Variants in DLEU7 observed in about 807,000 individuals in gnomAD.
The protein encoded by DLEU7 is deleted in lymphocytic leukemia 7.
DLEU7 carries 17 observed loss-of-function variants against 16.0 expected under a neutral mutation model. That is an observed-to-expected ratio of 1.06 (90% CI 0.73 to 1.59). DLEU7 has a LOEUF of 1.59. Among genes scored for constraint, DLEU7 ranks in the 40% most tolerant of loss-of-function variants. The pLI, the probability that DLEU7 is intolerant of heterozygous loss-of-function variation, is 0.00. For missense variants in DLEU7, 308 were observed against 314.9 expected, an observed-to-expected ratio of 0.98 and a Z score of 0.17; for synonymous variants, 113 against 139.8, an observed-to-expected ratio of 0.81 and a Z score of 1.35.
Position 50,843,479 on chromosome 13 carries a change from CGGGCCTGAGCGACGGGCTGGAGCGGT to C in DLEU7, c.142_167del (p.Thr48AlafsTer39). ...GCCCGGGCCCCGGCCGGGCCCGCGG[CGGGCCTGAGCGACGGGCTGGAGCGGT>C]GGACACGTGGTCTGGGTCCCGCGGG... On this transcript the variant is annotated frameshift_variant, in exon 1 of 2. Coordinates refer to ENST00000504404, the MANE Select transcript of DLEU7 (RefSeq NM_001306135.2). LOFTEE classifies it high-confidence loss of function. The surrounding 1 kb of genome is among the most constrained non-coding windows in gnomAD (Gnocchi z 5.7). The C allele has an allele frequency of 3.0e-6, 4 of 1,342,282 alleles. No homozygotes were observed. The highest frequency in any genetic ancestry group is 3.8e-6 in the Non-Finnish European group (4 of 1,054,740). The allele number at this position is 1,342,282 out of a possible 1,614,324, so 83.1% of individuals were successfully genotyped here.
intron 1 of DLEU7, among the ~76,000 whole-genome samples, chr13:50,799,352 T>G (rs1161931430): frequency 1.3e-5 from 2 of 152,192 alleles, no homozygotes; most frequent in Non-Finnish European, 2.9e-5. Flanking sequence ...TATGTGGATT[T>G]CTTGTATTCT....
At chr13:50,820,314 A>G (rs1220884435), downstream of DLEU7, among the ~76,000 whole-genome samples, 1 of 152,134 alleles carries the variant, frequency 6.6e-6, no homozygotes. Flanking sequence ...AAAACAAAAC[A>G]GTAGCCAGAG....
chr13:50,834,057 T>A (rs960876670), intron 1 of DLEU7, among the ~76,000 whole-genome samples: 2 of 152,096 alleles, frequency 1.3e-5, no homozygotes, highest in Non-Finnish European at 2.9e-5. Context: ...GATTAAAGAC[T>A]TAAATGTAAG....
At chr13:50,752,461 G>A (rs990207835) in intron 1 of DLEU7, among the ~76,000 whole-genome samples, 2 of 152,134 alleles carry the variant, frequency 1.3e-5, no homozygotes, top group African/African-American at 4.8e-5. Context: ...GAATTGGTGG[G>A]TTCTTGGTCT....
chr13:50,760,618 T>C (rs973464039), intron 1 of DLEU7, among the ~76,000 whole-genome samples: 1 of 152,352 alleles, frequency 6.6e-6, no homozygotes, highest in Admixed American at 6.5e-5. Flanking sequence ...CTGCCGTGGC[T>C]TCCCAAGTGT....
intron 1 of DLEU7, among the ~76,000 whole-genome samples, chr13:50,840,641 G>A (rs1464701428): frequency 6.6e-6 from 1 of 152,128 alleles, no homozygotes; most frequent in Non-Finnish European, 1.5e-5. Context: ...GGACTCAAGG[G>A]CTGGGTAAGT....
At chr13:50,818,289 C>T (rs1876794373), downstream of DLEU7, among the ~76,000 whole-genome samples, 1 of 152,114 alleles carries the variant, frequency 6.6e-6, no homozygotes, top group Non-Finnish European at 1.5e-5. Context: ...CTCAGAATGG[C>T]CCAGGCTGGC....
intron 1 of DLEU7, among the ~76,000 whole-genome samples, chr13:50,797,872 T>C (rs1876145465): frequency 6.6e-6 from 1 of 152,200 alleles, no homozygotes; most frequent in African/African-American, 2.4e-5. Context: ...AGAGAAATTG[T>C]AAGAACGTAC....
chr13:50,760,353 G>A (rs1304303433), intron 1 of DLEU7, among the ~76,000 whole-genome samples: 1 of 151,606 alleles, frequency 6.6e-6, no homozygotes, highest in Non-Finnish European at 1.5e-5. Context: ...CTTTTTTTTG[G>A]TGGGAGCTGG....
chr13:50,711,798 ACCTAC>A, downstream of DLEU7: 1 of 127,328 alleles, frequency 7.9e-6, no homozygotes, highest in South Asian at 2.4e-4. Flanking sequence ...TACTACCTAT[ACCTAC>A]ATGAGAAAGC....
intron 1 of DLEU7, among the ~76,000 whole-genome samples, chr13:50,836,952 C>T (rs1039884914): frequency 6.6e-5 from 10 of 152,148 alleles, no homozygotes; most frequent in African/African-American, 2.2e-4. Context: ...CGATTTGCCC[C>T]AACTTCATTT....
intron 1 of DLEU7, among the ~76,000 whole-genome samples, chr13:50,742,532 G>A (rs1874280125): frequency 1.3e-5 from 2 of 152,096 alleles, no homozygotes. Flanking sequence ...CAGGGTTCAA[G>A]GTTTATGATT....
chr13:50,769,497 T>C (rs983750258), intron 1 of DLEU7, among the ~76,000 whole-genome samples: 2 of 152,226 alleles, frequency 1.3e-5, no homozygotes, highest in Non-Finnish European at 1.5e-5. Context: ...ATTTCAGCTT[T>C]CTACATATGG....
intron 1 of DLEU7, among the ~76,000 whole-genome samples, chr13:50,796,373 C>T (rs900827110): frequency 6.6e-6 from 1 of 152,088 alleles, no homozygotes; most frequent in Non-Finnish European, 1.5e-5. Context: ...ACCAAGAAGG[C>T]CTCCAAGTGA....
intron 1 of DLEU7, among the ~76,000 whole-genome samples, chr13:50,813,694 A>G (rs1435138574): frequency 1.3e-5 from 2 of 152,158 alleles, no homozygotes; most frequent in East Asian, 1.9e-4. Context: ...AGCAATATAT[A>G]TATTTTAAAT....
intron 1 of DLEU7, among the ~76,000 whole-genome samples, chr13:50,715,682 G>C (rs1011315270): frequency 1.3e-5 from 2 of 152,230 alleles, no homozygotes; most frequent in African/African-American, 4.8e-5. Context: ...TGGAGGAGAC[G>C]TGTGTTAGGA....
intron 1 of DLEU7, among the ~76,000 whole-genome samples, chr13:50,790,576 C>A (rs527988381): frequency 6.6e-6 from 1 of 152,170 alleles, no homozygotes; most frequent in South Asian, 2.1e-4. Context: ...CGGTCTCTCA[C>A]ACACACTGGT....
At chr13:50,757,267 G>T (rs1251704710) in intron 1 of DLEU7, among the ~76,000 whole-genome samples, 1 of 152,080 alleles carries the variant, frequency 6.6e-6, no homozygotes, top group Non-Finnish European at 1.5e-5. Flanking sequence ...TGTTGTTGTT[G>T]TTTTTTTAAA....
intron 1 of DLEU7, among the ~76,000 whole-genome samples, chr13:50,832,050 G>A (rs1366029059): frequency 2.0e-5 from 3 of 152,172 alleles, no homozygotes; most frequent in Admixed American, 2.0e-4. Flanking sequence ...AATAGTTACA[G>A]AAGGAATGGT....
Sources: allele counts gnomAD v4.1 joint callset (sites outside exome capture counted in the v4.1 genomes callset), GRCh38; gene constraint gnomAD v4.1.1; non-coding constraint Gnocchi (gnomAD v3.1); transcripts MANE v1.5; gene names NCBI Gene and HGNC (gene_info 2026-07-23, HGNC 2026-07-21).